The following EYS variants were observed in gnomAD, a reference collection of about 807,000 sequenced individuals.
The protein encoded by EYS is protein eyes shut homolog.
A neutral mutation model predicts 282.1 loss-of-function variants in EYS; 250 were observed. The ratio of observed to expected loss-of-function variants is 0.89; its 90% CI spans 0.80 to 0.98. The LOEUF is 0.98. Ranked by LOEUF, EYS falls within the 50% of genes least tolerant of loss-of-function variation. The probability of loss-of-function intolerance (pLI) is 0.00; values close to 1 mark genes in which losing one functional copy is unlikely to be tolerated. For synonymous variants in EYS, 1,355 were observed against 1,282.9 expected, an observed-to-expected ratio of 1.06 and a Z score of -1.20; for missense variants, 4,016 against 3,709.0, an observed-to-expected ratio of 1.08 and a Z score of -2.15.
chr6:64,340,954 T>A (rs531351230), intron 29 of EYS, among the ~76,000 whole-genome samples: 1 of 151,706 alleles, frequency 6.6e-6, no homozygotes, highest in Non-Finnish European at 1.5e-5. Flanking sequence ...CCAACAAACA[T>A]CTGAAAAAAT....
chr6:64,290,624 C>T (rs2150365431), intron 30 of EYS, among the ~76,000 whole-genome samples: 1 of 151,896 alleles, frequency 6.6e-6, no homozygotes, highest in Non-Finnish European at 1.5e-5. Flanking sequence ...CTTAGGAAAC[C>T]TCCATCCTTT....
chr6:64,278,717 A>ACTCTCTCTCTCT (rs113366162), intron 30 of EYS, among the ~76,000 whole-genome samples: 4,747 of 142,048 alleles, frequency 0.033, 234 homozygotes, highest in African/African-American at 0.12. Flanking sequence ...TCAGCCAAAA[A>ACTCTCTCTCTCT]CTCTCTCTCT....
intron 31 of EYS, among the ~76,000 whole-genome samples, chr6:64,142,931 T>C (rs920902809): frequency 6.6e-6 from 1 of 152,136 alleles, no homozygotes; most frequent in African/African-American, 2.4e-5. Context: ...CAGTGATCAA[T>C]GGATTCAGTA....
At chr6:64,767,506 G>T in intron 22 of EYS, among the ~76,000 whole-genome samples, 1 of 150,664 alleles carries the variant, frequency 6.6e-6, no homozygotes, top group Admixed American at 6.6e-5. Context: ...TTTTTATTTT[G>T]CATTCATATA....
At chr6:64,774,623 G>A (rs1271237096) in intron 22 of EYS, among the ~76,000 whole-genome samples, 2 of 151,864 alleles carry the variant, frequency 1.3e-5, no homozygotes, top group Non-Finnish European at 2.9e-5. Context: ...ACCTCAGTCT[G>A]TTATGTATAA....
intron 1 of EYS, among the ~76,000 whole-genome samples, chr6:65,677,938 T>C (rs142670259): frequency 4.4e-4 from 67 of 152,188 alleles, no homozygotes; most frequent in Non-Finnish European, 7.2e-4. Context: ...GAAAGGATAG[T>C]ATCTGTGTTA....
At chr6:65,354,872 C>T (rs1764422476) in intron 8 of EYS, among the ~76,000 whole-genome samples, 2 of 151,890 alleles carry the variant, frequency 1.3e-5, no homozygotes, top group South Asian at 4.2e-4. Flanking sequence ...AAAATAATTA[C>T]CATTTAATTA....
At chr6:63,766,816 A>G (rs1769800715) in intron 40 of EYS, among the ~76,000 whole-genome samples, 1 of 151,988 alleles carries the variant, frequency 6.6e-6, no homozygotes, top group Non-Finnish European at 1.5e-5. Flanking sequence ...GGACCATGAA[A>G]GAGTATGGTG....
At chr6:64,777,560 T>C (rs186273786) in intron 22 of EYS, among the ~76,000 whole-genome samples, 1 of 152,272 alleles carries the variant, frequency 6.6e-6, no homozygotes, top group African/African-American at 2.4e-5. Context: ...ATACTTGCTT[T>C]ATTGCTAATA....
chr6:64,426,212 A>G (rs954361099), intron 28 of EYS, among the ~76,000 whole-genome samples: 3 of 152,244 alleles, frequency 2.0e-5, no homozygotes, highest in Admixed American at 6.5e-5. Flanking sequence ...TGAAGGTCGT[A>G]TAGAGTGACC....
At chr6:64,944,983 T>C in intron 15 of EYS, among the ~76,000 whole-genome samples, 1 of 151,366 alleles carries the variant, frequency 6.6e-6, no homozygotes, top group Non-Finnish European at 1.5e-5. Flanking sequence ...TTCTCCTTAT[T>C]ATCACCCTGC....
intron 35 of EYS, among the ~76,000 whole-genome samples, chr6:63,870,213 A>G (rs1772767890): frequency 6.6e-6 from 1 of 152,188 alleles, no homozygotes; most frequent in Non-Finnish European, 1.5e-5. Context: ...AAAAGACATA[A>G]AAAATTATCT....
chr6:65,355,358 G>A (rs1418494570), intron 8 of EYS, among the ~76,000 whole-genome samples: 3 of 151,478 alleles, frequency 2.0e-5, no homozygotes, highest in Non-Finnish European at 4.4e-5. Flanking sequence ...CAAAAGTATT[G>A]AAATAAAAAT....
At chr6:64,323,444 C>T (rs1770292310) in intron 29 of EYS, among the ~76,000 whole-genome samples, 1 of 151,988 alleles carries the variant, frequency 6.6e-6, no homozygotes, top group South Asian at 2.1e-4. Context: ...GGGTTGTTTC[C>T]ATTTTTGGCT....
intron 35 of EYS, among the ~76,000 whole-genome samples, chr6:63,939,014 C>T (rs1474636004): frequency 6.6e-6 from 1 of 152,242 alleles, no homozygotes; most frequent in Middle Eastern, 3.4e-3. Context: ...AAAAGAAATT[C>T]AAGCTGTGGG....
chr6:63,758,987 G>A (rs753833550), intron 41 of EYS, among the ~76,000 whole-genome samples: 11 of 151,950 alleles, frequency 7.2e-5, no homozygotes, highest in African/African-American at 2.7e-4. Flanking sequence ...AGAACGGGGG[G>A]CAGGGTATTT....
chr6:65,167,398 T>C (rs1428096308), intron 12 of EYS, among the ~76,000 whole-genome samples: 2 of 151,308 alleles, frequency 1.3e-5, no homozygotes, highest in East Asian at 2.0e-4. Context: ...GTGGCAAGGA[T>C]TGCACAACTT....
At chr6:64,607,925 C>T (rs528668559) in intron 24 of EYS, among the ~76,000 whole-genome samples, 1 of 152,230 alleles carries the variant, frequency 6.6e-6, no homozygotes, top group East Asian at 1.9e-4. Flanking sequence ...ATGATTCTTA[C>T]ATCACAAAAT....
intron 26 of EYS, among the ~76,000 whole-genome samples, chr6:64,546,216 C>T (rs549355821): frequency 1.6e-3 from 245 of 152,116 alleles, no homozygotes; most frequent in African/African-American, 5.5e-3. Context: ...GAAATAAGGC[C>T]GCATATCTAC....
Sources: gnomAD v4.1 joint callset for allele counts (sites outside exome capture counted in the v4.1 genomes callset) on GRCh38, gnomAD v4.1.1 for gene constraint, MANE v1.5 for transcripts, NCBI Gene and HGNC (gene_info 2026-07-23, HGNC 2026-07-21) for gene names.